The following BLK variants were observed in gnomAD, a reference collection of about 807,000 sequenced individuals.
The protein encoded by BLK is tyrosine-protein kinase Blk.
A neutral mutation model predicts 61.8 loss-of-function variants in BLK; 64 were observed. The observed-to-expected ratio is 1.03, with a 90% CI of 0.85 to 1.27. The LOEUF (loss-of-function observed/expected upper bound fraction) is 1.27. Among genes scored for constraint, BLK ranks in the 50% most tolerant of loss-of-function variants. The probability of loss-of-function intolerance (pLI) is 0.00; values close to 1 mark genes in which losing one functional copy is unlikely to be tolerated. For synonymous variants in BLK, 351 were observed against 272.0 expected (o/e 1.29, Z -2.86); for missense variants, 853 against 660.5 (o/e 1.29, Z -3.19).
At chr8:11,510,219 G>A (rs2061833) in intron 1 of BLK, among the ~76,000 whole-genome samples, 25 of 152,172 alleles carry the variant, frequency 1.6e-4, no homozygotes, top group African/African-American at 5.8e-4. Context: ...TTGGGGGCTG[G>A]CGTGGGGTAA....
At chr8:11,535,554 C>A (rs1273376531) in intron 1 of BLK, among the ~76,000 whole-genome samples, 2 of 152,196 alleles carry the variant, frequency 1.3e-5, no homozygotes, top group South Asian at 4.1e-4. Flanking sequence ...AGTTTCTCAT[C>A]CTTTGCTCTT....
At chr8:11,530,370 C>T (rs1799836522) in intron 1 of BLK, among the ~76,000 whole-genome samples, 1 of 152,182 alleles carries the variant, frequency 6.6e-6, no homozygotes. Flanking sequence ...CTGTACAGGA[C>T]AAGGTAGGAG....
At position 11,563,062 on chromosome 8, in the gene BLK, G is replaced by T. The variant is rs776975123; in HGVS notation, c.1264G>T (p.Gly422Ter). The T allele has an allele frequency of 2.5e-6, 4 of 1,613,838 alleles. No individual in the cohort carries two copies. Among genetic ancestry groups the T allele is most frequent in the Non-Finnish European group, 3.4e-6 (4 of 1,180,042 alleles). ...FTIKADVWSF[G>*]VLLMEVVTYG... ...CATCAAAGCAGACGTGTGGTCGTTT[G>T]GAGTCCTCCTGATGGAAGTTGTCAC... Residue 422 changes from glycine to a stop codon, truncating the protein, a stop_gained, in exon 12 of 13, where the codon GGA becomes TGA. Coordinates refer to ENST00000259089, the MANE Select transcript of BLK (RefSeq NM_001715.3). LOFTEE classifies it low-confidence loss of function (END_TRUNC).
chr8:11,517,462 A>G (rs1443396419), intron 1 of BLK, among the ~76,000 whole-genome samples: 2 of 152,164 alleles, frequency 1.3e-5, no homozygotes, highest in East Asian at 1.9e-4. Flanking sequence ...TCTACCAGCC[A>G]CTTTCCCTGG....
chr8:11,507,198 G>C (rs1798806823), intron 1 of BLK, among the ~76,000 whole-genome samples: 1 of 152,210 alleles, frequency 6.6e-6, no homozygotes. Flanking sequence ...GGCAGAGGAA[G>C]AGTGAAGTGG....
At chr8:11,526,697 G>A (rs1799667101) in intron 1 of BLK, among the ~76,000 whole-genome samples, 1 of 151,992 alleles carries the variant, frequency 6.6e-6, no homozygotes, top group Non-Finnish European at 1.5e-5. Flanking sequence ...CCAGCCTGGG[G>A]GACAGAGCAA....
At chr8:11,556,577 C>G (rs1287333968) in intron 8 of BLK, 81 bp from the exon 9 acceptor site, 30 of 1,576,400 alleles carry the variant, frequency 1.9e-5, no homozygotes, top group Non-Finnish European at 2.6e-5. Context: ...CACCTGGGCA[C>G]TTACCCCGAT....
intron 1 of BLK, among the ~76,000 whole-genome samples, chr8:11,503,448 T>C (rs1403460596): frequency 2.6e-5 from 4 of 152,134 alleles, no homozygotes; most frequent in Non-Finnish European, 4.4e-5. Flanking sequence ...AAGGGAGAGG[T>C]GCAGCTTTGT....
intron 2 of BLK, among the ~76,000 whole-genome samples, chr8:11,544,953 G>T (rs1243893456): frequency 6.6e-6 from 1 of 152,036 alleles, no homozygotes; most frequent in Non-Finnish European, 1.5e-5. Flanking sequence ...TCCCCTGTTT[G>T]TACCCTTCAC....
At chr8:11,563,843 G>GC (rs1334402941) in intron 12 of BLK, 60 bp from the exon 13 acceptor site, 9 of 1,511,706 alleles carry the variant, frequency 6.0e-6, no homozygotes, top group Non-Finnish European at 8.1e-6. Context: ...GACGCTCAGG[G>GC]CCCCCCACCC....
chr8:11,510,369 A>G (rs941603168), intron 1 of BLK, among the ~76,000 whole-genome samples: 1 of 152,170 alleles, frequency 6.6e-6, no homozygotes, highest in African/African-American at 2.4e-5. Flanking sequence ...TCTCTGTGAA[A>G]TGAAATGACT....
At chr8:11,524,783 G>A (rs896241512) in intron 1 of BLK, among the ~76,000 whole-genome samples, 1 of 152,156 alleles carries the variant, frequency 6.6e-6, no homozygotes, top group Admixed American at 6.5e-5. Context: ...TAAACCTCAC[G>A]ATCAGATGCT....
At chr8:11,528,710 A>T (rs1799773323) in intron 1 of BLK, among the ~76,000 whole-genome samples, 1 of 152,222 alleles carries the variant, frequency 6.6e-6, no homozygotes, top group African/African-American at 2.4e-5. Flanking sequence ...TGTATAACGA[A>T]AACATTGGTG....
intron 1 of BLK, among the ~76,000 whole-genome samples, chr8:11,502,285 G>GT (rs201804111): frequency 0.016 from 2,368 of 151,330 alleles, 52 homozygotes; most frequent in African/African-American, 0.046. Flanking sequence ...ATTTTATATA[G>GT]TTTTTTTTTC....
intron 10 of BLK, chr8:11,560,722 C>T: frequency 2.5e-6 from 1 of 392,288 alleles, no homozygotes; most frequent in Admixed American, 2.7e-5. Flanking sequence ...CCCCACGGGG[C>T]AGGCGCTGGG....
chr8:11,562,890 A>T (rs1801555936), intron 11 of BLK, 89 bp from the exon 12 acceptor site: 3 of 1,582,098 alleles, frequency 1.9e-6, no homozygotes, highest in Non-Finnish European at 2.6e-6. Context: ...GGCTTGATGG[A>T]AGGACAGCAG....
At position 11,512,464 on chromosome 8, in the gene BLK, T is replaced by C. The variant is rs1338502474; in HGVS notation, c.-2+17873T>C. 2.6e-5 allele frequency among the ~76,000 whole-genome samples: 4 copies of C among 152,246 alleles called. No individual in the cohort carries two copies. In the East Asian group the frequency reaches 7.7e-4, roughly 29 times the overall value. ...TAGTCTGAAAGCCCAACAGTTCTAATCATTTAGGTTCAATTGGGTCTCAAC... is the reference window on the plus strand; with the variant it reads ...TAGTCTGAAAGCCCAACAGTTCTAACCATTTAGGTTCAATTGGGTCTCAAC... On this transcript the variant is annotated intron_variant, in intron 1 of 12. Coordinates refer to ENST00000259089, the MANE Select transcript of BLK (RefSeq NM_001715.3).
At chr8:11,555,751 G>A (rs1801183757) in intron 8 of BLK, 2 of 542,842 alleles carry the variant, frequency 3.7e-6, no homozygotes, top group Admixed American at 2.8e-5. Flanking sequence ...TTCGTTCTCT[G>A]CCTGAAGCTG....
chr8:11,516,877 G>A (rs1461600807), intron 1 of BLK, among the ~76,000 whole-genome samples: 18 of 152,234 alleles, frequency 1.2e-4, no homozygotes, highest in Non-Finnish European at 1.3e-4. Flanking sequence ...CAACACTGCT[G>A]TGGACACAAG....
Sources: gnomAD v4.1 joint callset for allele counts (sites outside exome capture counted in the v4.1 genomes callset) on GRCh38, gnomAD v4.1.1 for gene constraint, MANE v1.5 for transcripts, NCBI Gene and HGNC (gene_info 2026-07-23, HGNC 2026-07-21) for gene names.